The following HK1 variants were observed in gnomAD, a reference collection of about 807,000 sequenced individuals.
HK1 encodes the protein hexokinase 1.
A neutral mutation model predicts 91.6 loss-of-function variants in HK1; 28 were observed. The observed-to-expected ratio is 0.31, with a 90% CI of 0.23 to 0.42. HK1 has a LOEUF of 0.42. HK1 is among the 10% of genes least tolerant of loss of function. The pLI, the probability that HK1 is intolerant of heterozygous loss-of-function variation, is 1.00. For missense variants in HK1, 770 were observed against 1,219.8 expected (o/e 0.63, Z 5.49); for synonymous variants, 430 against 468.1 (o/e 0.92, Z 1.05).
chr10:69,337,701 G>A (rs1030082051), intron 1 of HK1, among the ~76,000 whole-genome samples: 2 of 152,190 alleles, frequency 1.3e-5, no homozygotes, highest in African/African-American at 2.4e-5. Context: ...TAAGTGGAGC[G>A]CCTTGCTTGG....
intron 2 of HK1, among the ~76,000 whole-genome samples, chr10:69,345,578 A>G (rs1269434355): frequency 6.6e-6 from 1 of 152,104 alleles, no homozygotes; most frequent in Non-Finnish European, 1.5e-5. Context: ...GGCAGCACCC[A>G]GGAGAGCACC....
chr10:69,288,848 G>T, intron 3 of HK1: 1 of 1,210,290 alleles, frequency 8.3e-7, no homozygotes, highest in Non-Finnish European at 1.2e-6. Context: ...GTGTAGTGGC[G>T]CGATCTCGGC....
chr10:69,322,555 A>G (rs970864698), intron 1 of HK1, among the ~76,000 whole-genome samples: 17 of 152,286 alleles, frequency 1.1e-4, no homozygotes, highest in African/African-American at 4.1e-4. Flanking sequence ...CATTCCTTAG[A>G]GCCTATGTGT....
At chr10:69,343,075 G>A (rs1411525739) in intron 1 of HK1, among the ~76,000 whole-genome samples, 1 of 152,134 alleles carries the variant, frequency 6.6e-6, no homozygotes, top group African/African-American at 2.4e-5. Flanking sequence ...ACACAGGCCC[G>A]GCACATGGGT....
chr10:69,313,673 T>C (rs1322743730), upstream of HK1, among the ~76,000 whole-genome samples: 3 of 151,906 alleles, frequency 2.0e-5, no homozygotes, highest in African/African-American at 7.3e-5. Flanking sequence ...AATTTTGTAT[T>C]TTTAGTAGAG....
intron 5 of HK1, among the ~76,000 whole-genome samples, chr10:69,304,275 ATTATTTATTTATTTAT>A (rs141139312): frequency 0.026 from 3,756 of 143,416 alleles, 69 homozygotes; most frequent in East Asian, 0.065. Context: ...TTTTATTTTT[ATTATTTATTTATTTAT>A]TTATTTATTT....
rs1342090564 is a variant in HK1 at position 69,379,923 on chromosome 10, G to A, written c.1093G>A (p.Asp365Asn). Residue 365 changes from aspartate (D) to asparagine (N), a missense_variant, in exon 9 of 18, where the codon GAT becomes AAT. Asp to Asn is a conservative substitution (Grantham distance 23). Coordinates refer to ENST00000359426, the MANE Select transcript of HK1 (RefSeq NM_000188.3). ...ILTRLGVEPS[D>N]DDCVSVQHVC... Reference sequence around the variant, plus strand: ...GACCCGCCTGGGAGTGGAGCCGTCCGATGATGACTGTGTCTCAGTCCAGCA... The same window carrying A: ...GACCCGCCTGGGAGTGGAGCCGTCCAATGATGACTGTGTCTCAGTCCAGCA... The A allele has an allele frequency of 1.9e-6, 3 of 1,614,188 alleles. No homozygotes were observed. Among genetic ancestry groups the A allele is most frequent in the South Asian group, 1.1e-5 (1 of 91,078 alleles).
At chr10:69,301,943 G>A (rs868491344) in intron 5 of HK1, among the ~76,000 whole-genome samples, 15 of 152,102 alleles carry the variant, frequency 9.9e-5, no homozygotes, top group Non-Finnish European at 1.2e-4. Flanking sequence ...CACATTTCCT[G>A]ATTTCAAAAT....
chr10:69,323,038 G>T lies in HK1; in HGVS notation c.63+4028G>T, dbSNP rs537857906. Among the ~76,000 whole-genome samples the T allele has an allele frequency of 1.7e-4, 26 of 152,170 alleles. No homozygotes were observed. The East Asian group carries it at 4.8e-3, about 28-fold the overall frequency. ...TGAGGCAGGTGAATCACGAAGTCAG[G>T]AGTTCAAGACCAGCCTGACCAATAT... On this transcript the variant is annotated intron_variant, in intron 1 of 17. Transcript: ENST00000359426.
intron 1 of HK1, chr10:69,271,057 A>G (rs1564743627): frequency 6.6e-6 from 1 of 152,238 alleles, no homozygotes; most frequent in Non-Finnish European, 1.5e-5. Context: ...TGTTCTATGC[A>G]CTGAAGACCA....
intron 1 of HK1, among the ~76,000 whole-genome samples, chr10:69,271,299 C>T (rs568101192): frequency 3.3e-5 from 5 of 152,068 alleles, no homozygotes; most frequent in African/African-American, 9.6e-5. Flanking sequence ...ACCTTGTATT[C>T]TTTCTCAGAA....
intron 7 of HK1, among the ~76,000 whole-genome samples, chr10:69,373,253 C>T (rs1415209656): frequency 6.6e-6 from 1 of 152,202 alleles, no homozygotes; most frequent in Non-Finnish European, 1.5e-5. Flanking sequence ...CCAACAGCTA[C>T]TCATTCCATT....
chr10:69,387,764 G>A (rs1044850522), intron 13 of HK1, among the ~76,000 whole-genome samples: 1 of 152,064 alleles, frequency 6.6e-6, no homozygotes, highest in African/African-American at 2.4e-5. Flanking sequence ...TTACAGGTGT[G>A]TTTCTCGTGG....
intron 16 of HK1, among the ~76,000 whole-genome samples, chr10:69,397,505 G>A (rs1007107970): frequency 2.6e-5 from 4 of 152,160 alleles, no homozygotes; most frequent in African/African-American, 4.8e-5. Context: ...TTTGTACTGT[G>A]TATGACAAGA....
In HK1 at chr10:69,401,285, GTAGGGT is replaced by G; in HGVS notation, c.*151_*156del. 1 of 819,090 alleles carries G rather than the reference GTAGGGT, an allele frequency of 1.2e-6. No homozygotes were observed. The highest frequency in any genetic ancestry group is 2.0e-6 in the Non-Finnish European group (1 of 499,994). The allele number at this position is 819,090 out of a possible 1,614,324, so 50.7% of individuals were successfully genotyped here. ...CAAAATCCAACTAATGGTATATATT[GTAGGGT>G]ACAGAATAGAGCGTGTGCTGTTGAT... is the stretch of plus-strand genomic sequence containing the variant. On this transcript the variant is annotated 3_prime_UTR_variant, in exon 18 of 18. Coordinates refer to ENST00000359426, the MANE Select transcript of HK1 (RefSeq NM_000188.3).
At chr10:69,338,617 C>A in intron 1 of HK1, 2 of 1,288,646 alleles carry the variant, frequency 1.6e-6, no homozygotes, top group Non-Finnish European at 2.0e-6. Context: ...TTGGCTGGAG[C>A]AGTAAAGCAG....
intron 1 of HK1, among the ~76,000 whole-genome samples, chr10:69,329,520 T>C (rs1394161497): frequency 6.6e-6 from 1 of 152,150 alleles, no homozygotes; most frequent in Non-Finnish European, 1.5e-5. Context: ...GGAAAACCCC[T>C]GCTTTTAATC....
intron 3 of HK1, among the ~76,000 whole-genome samples, chr10:69,362,837 T>C (rs1849503547): frequency 6.6e-6 from 1 of 152,198 alleles, no homozygotes; most frequent in South Asian, 2.1e-4. Flanking sequence ...GCAGGAAGCT[T>C]AGCCGGCTTC....
intron 1 of HK1, among the ~76,000 whole-genome samples, chr10:69,325,331 G>A (rs990181027): frequency 8.6e-5 from 13 of 150,796 alleles, no homozygotes; most frequent in Non-Finnish European, 1.5e-4. Context: ...GATTACAGGT[G>A]TGAGCCACCA....
Sources: allele counts gnomAD v4.1 joint callset (sites outside exome capture counted in the v4.1 genomes callset), GRCh38; gene constraint gnomAD v4.1.1; transcripts MANE v1.5; gene names NCBI Gene and HGNC (gene_info 2026-07-23, HGNC 2026-07-21).